The following TLK2 variants were observed in gnomAD, a reference collection of about 807,000 sequenced individuals.
TLK2 encodes the protein tousled like kinase 2, also known as serine/threonine-protein kinase tousled-like 2.
A neutral mutation model predicts 117.3 loss-of-function variants in TLK2; 6 were observed. That is an observed-to-expected ratio of 0.05 (90% confidence interval 0.03 to 0.10). The LOEUF is 0.10. Ranked by LOEUF, TLK2 falls within the 10% of genes least tolerant of loss-of-function variation. The pLI is 1.00. For synonymous variants in TLK2, 257 were observed against 316.7 expected (o/e 0.81, Z 2.00); for missense variants, 299 against 901.2 (o/e 0.33, Z 8.56).
At chr17:62,508,835 G>A (rs2074926106) in intron 2 of TLK2, among the ~76,000 whole-genome samples, 1 of 152,094 alleles carries the variant, frequency 6.6e-6, no homozygotes, top group Admixed American at 6.6e-5. Context: ...AAGCGTGGTG[G>A]TGTGCGCTTG....
chr17:62,519,093 C>T (rs1205736531), intron 2 of TLK2, among the ~76,000 whole-genome samples: 3 of 152,108 alleles, frequency 2.0e-5, no homozygotes, highest in Non-Finnish European at 1.5e-5. Context: ...CCATGTTGGC[C>T]AGGCTGGTCT....
intron 2 of TLK2, among the ~76,000 whole-genome samples, chr17:62,493,411 C>A (rs981401216): frequency 6.6e-6 from 1 of 152,156 alleles, no homozygotes; most frequent in African/African-American, 2.4e-5. Flanking sequence ...TACCATTTGG[C>A]TATTGTGAAT....
intron 2 of TLK2, among the ~76,000 whole-genome samples, chr17:62,513,337 TAAAGAGA>T (rs2075308709): frequency 6.7e-6 from 1 of 148,968 alleles, no homozygotes; most frequent in Non-Finnish European, 1.5e-5. Context: ...TTTTTTTTTT[TAAAGAGA>T]CAGGTTTTTA....
intron 2 of TLK2, among the ~76,000 whole-genome samples, chr17:62,511,359 G>T (rs541298554): frequency 4.6e-5 from 7 of 152,142 alleles, no homozygotes; most frequent in Admixed American, 2.0e-4. Context: ...ATATATAAAT[G>T]GAGTCACAAA....
At chr17:62,482,231 G>A (rs2071744604) in intron 2 of TLK2, among the ~76,000 whole-genome samples, 1 of 152,114 alleles carries the variant, frequency 6.6e-6, no homozygotes, top group Admixed American at 6.6e-5. Flanking sequence ...TCACAGGCAG[G>A]AGCCACTGTG....
At chr17:62,512,761 C>G (rs1436810857) in intron 2 of TLK2, among the ~76,000 whole-genome samples, 1 of 151,518 alleles carries the variant, frequency 6.6e-6, no homozygotes, top group Non-Finnish European at 1.5e-5. Context: ...TGGCTTAGTT[C>G]TAAGTTGTAG....
chr17:62,598,501 TTTTC>T (rs1179848505), intron 17 of TLK2, among the ~76,000 whole-genome samples: 2 of 151,922 alleles, frequency 1.3e-5, no homozygotes, highest in Admixed American at 1.3e-4. Context: ...CTTTATTTTC[TTTTC>T]TTTCTTTTGT....
At chr17:62,590,459 G>A (rs754722419) in intron 16 of TLK2, among the ~76,000 whole-genome samples, 2 of 152,114 alleles carry the variant, frequency 1.3e-5, no homozygotes, top group African/African-American at 2.4e-5. Context: ...AAAAACAGCA[G>A]CACGCTTATT....
chr17:62,555,021 T>TAC (rs773654674), intron 9 of TLK2, among the ~76,000 whole-genome samples: 19 of 151,436 alleles, frequency 1.3e-4, no homozygotes, highest in South Asian at 2.1e-4. Context: ...TGTGTATATA[T>TAC]ACACACACAC....
At chr17:62,481,443 T>TTTC (rs2071637080) in intron 2 of TLK2, among the ~76,000 whole-genome samples, 1 of 152,086 alleles carries the variant, frequency 6.6e-6, no homozygotes, top group Non-Finnish European at 1.5e-5. Context: ...ATAGGAGAGG[T>TTTC]TTCTCATGGT....
At chr17:62,533,367 GGTGTGT>G (rs369887924) in intron 6 of TLK2, among the ~76,000 whole-genome samples, 4 of 111,122 alleles carry the variant, frequency 3.6e-5, no homozygotes, top group Non-Finnish European at 5.8e-5. Context: ...TCCTATACGG[GGTGTGT>G]GTGTGTGTGT....
At chr17:62,509,217 T>C (rs1252016983) in intron 2 of TLK2, among the ~76,000 whole-genome samples, 1 of 152,094 alleles carries the variant, frequency 6.6e-6, no homozygotes, top group African/African-American at 2.4e-5. Context: ...GCCTCCCAAG[T>C]AGCTGGGACC....
chr17:62,546,803 A>G (rs889970615), intron 7 of TLK2, among the ~76,000 whole-genome samples: 7 of 151,776 alleles, frequency 4.6e-5, no homozygotes, highest in African/African-American at 1.2e-4. Context: ...CAGGTGATCC[A>G]CCTGTCTCGG....
intron 15 of TLK2, among the ~76,000 whole-genome samples, chr17:62,582,791 T>G (rs1252204357): frequency 6.6e-6 from 1 of 152,142 alleles, no homozygotes; most frequent in Non-Finnish European, 1.5e-5. Flanking sequence ...AACTTTCCTT[T>G]CCCCCTCCTC....
intron 2 of TLK2, among the ~76,000 whole-genome samples, chr17:62,487,980 C>T (rs1287646991): frequency 2.6e-5 from 4 of 151,752 alleles, no homozygotes; most frequent in African/African-American, 9.7e-5. Flanking sequence ...ACTCTTGTCG[C>T]CCAGGCTGGA....
chr17:62,513,399 T>C (rs2075315725), intron 2 of TLK2, among the ~76,000 whole-genome samples: 1 of 150,302 alleles, frequency 6.7e-6, no homozygotes, highest in Admixed American at 6.7e-5. Flanking sequence ...CATAATTCAC[T>C]GTAACCTTGC....
chr17:62,560,269 C>T, intron 10 of TLK2, 143 bp downstream of exon 10: 2 of 557,628 alleles, frequency 3.6e-6, no homozygotes, highest in Non-Finnish European at 5.9e-6. Flanking sequence ...GAATTTTTTC[C>T]TTACATGGAC....
chr17:62,604,161 C>T (rs974321353), intron 19 of TLK2, among the ~76,000 whole-genome samples: 5 of 151,924 alleles, frequency 3.3e-5, no homozygotes, highest in African/African-American at 7.2e-5. Flanking sequence ...CCCGCCACCA[C>T]GCCCAGCTAA....
At chr17:62,481,240 A>G (rs1304944319) in intron 2 of TLK2, 34 bp downstream of exon 2, 1 of 1,609,390 alleles carries the variant, frequency 6.2e-7, no homozygotes, top group Non-Finnish European at 8.5e-7. Flanking sequence ...CACTATTCAT[A>G]TTCTAATTTA....
Sources: allele counts gnomAD v4.1 joint callset (sites outside exome capture counted in the v4.1 genomes callset), GRCh38; gene constraint gnomAD v4.1.1; transcripts MANE v1.5; gene names NCBI Gene and HGNC (gene_info 2026-07-23, HGNC 2026-07-21).